Variants in CDKAL1 observed in about 807,000 individuals in gnomAD.
CDKAL1 encodes threonylcarbamoyladenosine tRNA methylthiotransferase.
In CDKAL1, 32 loss-of-function variants were observed where a neutral mutation model predicts 68.2. The observed-to-expected ratio is 0.47, with a 90% CI of 0.35 to 0.63. The LOEUF (loss-of-function observed/expected upper bound fraction) is 0.63, where lower values mean the gene tolerates loss of function less well. Among genes scored for constraint, CDKAL1 ranks in the 30% least tolerant of loss-of-function variants. The pLI, the probability that CDKAL1 is intolerant of heterozygous loss-of-function variation, is 0.00. For missense variants in CDKAL1, 606 were observed against 696.7 expected, an observed-to-expected ratio of 0.87 and a Z score of 1.47; for synonymous variants, 234 against 244.3, an observed-to-expected ratio of 0.96 and a Z score of 0.39.
chr6:20,868,229 C>T (rs928587531), intron 9 of CDKAL1, among the ~76,000 whole-genome samples: 1 of 151,984 alleles, frequency 6.6e-6, no homozygotes, highest in Non-Finnish European at 1.5e-5. Flanking sequence ...TAAATATCAC[C>T]CCCATTCTAA....
chr6:20,730,330 G>A (rs1280210646), intron 5 of CDKAL1, among the ~76,000 whole-genome samples: 2 of 147,152 alleles, frequency 1.4e-5, no homozygotes, highest in African/African-American at 2.5e-5. Context: ...AGAAAAGAAA[G>A]AAAGAAGCCA....
At chr6:20,841,519 C>T (rs1253485224) in intron 8 of CDKAL1, among the ~76,000 whole-genome samples, 1 of 152,218 alleles carries the variant, frequency 6.6e-6, no homozygotes. Flanking sequence ...TATGTGTTTA[C>T]ACCCTTTGAA....
chr6:21,129,061 C>G (rs1775155701), intron 13 of CDKAL1, among the ~76,000 whole-genome samples: 1 of 152,136 alleles, frequency 6.6e-6, no homozygotes, highest in Non-Finnish European at 1.5e-5. Context: ...ACAATAGTAC[C>G]TCCCCAATGG....
At chr6:21,041,436 T>C (rs1251099400) in intron 11 of CDKAL1, among the ~76,000 whole-genome samples, 1 of 152,160 alleles carries the variant, frequency 6.6e-6, no homozygotes, top group Non-Finnish European at 1.5e-5. Context: ...CATCAGCAGA[T>C]GTAAATTTGT....
Position 20,548,597 on chromosome 6 carries a change from A to G in CDKAL1, c.178A>G (p.Ile60Val). Residue 60 changes from isoleucine (I) to valine (V), a missense_variant, in exon 4 of 16, where the codon ATT becomes GTT. Coordinates refer to ENST00000274695, the MANE Select transcript of CDKAL1 (RefSeq NM_017774.3). ...EENSPPSDST[I>V]PGIQKIWIRT... Reference sequence around the variant, plus strand: ...TTTTTATTGATTCCTTAACAGCACTATTCCAGGCATACAGAAAATTTGGAT... The same window carrying G: ...TTTTTATTGATTCCTTAACAGCACTGTTCCAGGCATACAGAAAATTTGGAT... 2 of 1,414,274 alleles carry G rather than the reference A, an allele frequency of 1.4e-6. No individual in the cohort carries two copies. The highest frequency in any genetic ancestry group is 2.3e-5 in the East Asian group (1 of 43,984). The allele number at this position is 1,414,274 out of a possible 1,614,324, so 87.6% of individuals were successfully genotyped here.
At chr6:21,071,563 G>T (rs1194541929) in intron 12 of CDKAL1, among the ~76,000 whole-genome samples, 1 of 152,118 alleles carries the variant, frequency 6.6e-6, no homozygotes, top group Admixed American at 6.5e-5. Context: ...CCAGTATTTG[G>T]ATCTCATATT....
intron 15 of CDKAL1, among the ~76,000 whole-genome samples, chr6:21,224,674 TC>T (rs1360786603): frequency 2.0e-5 from 3 of 152,140 alleles, no homozygotes; most frequent in African/African-American, 7.2e-5. Context: ...GAAGAATGCC[TC>T]CCAGCCAACA....
At chr6:20,714,900 G>GT (rs1204985164) in intron 5 of CDKAL1, among the ~76,000 whole-genome samples, 1 of 152,006 alleles carries the variant, frequency 6.6e-6, no homozygotes, top group African/African-American at 2.4e-5. Flanking sequence ...TTGTTAAACT[G>GT]TTTTTATTTT....
intron 8 of CDKAL1, among the ~76,000 whole-genome samples, chr6:20,809,184 G>A (rs1277498787): frequency 6.6e-6 from 1 of 152,146 alleles, no homozygotes; most frequent in South Asian, 2.1e-4. Context: ...TCTAAGGTCA[G>A]TATTTCCTAA....
intron 10 of CDKAL1, among the ~76,000 whole-genome samples, chr6:20,971,414 G>T (rs1490959829): frequency 6.6e-6 from 1 of 152,170 alleles, no homozygotes; most frequent in Non-Finnish European, 1.5e-5. Context: ...ATTTGCTTTT[G>T]ATGCTGCATT....
chr6:20,627,463 T>C (rs1023744619), intron 4 of CDKAL1, among the ~76,000 whole-genome samples: 2 of 152,266 alleles, frequency 1.3e-5, no homozygotes, highest in South Asian at 2.1e-4. Context: ...AGGTTTCCCT[T>C]GGTCACATCT....
rs181302127 is a variant in CDKAL1, at chr6:21,213,451, T to C, written c.1548+12177T>C. On this transcript the variant is annotated intron_variant, in intron 15 of 15. Transcript: ENST00000274695. Reference sequence around the variant, plus strand: ...ATGCCATGAGACGAGGAATTGGTCATTGGTCTTTTTAAACATACAGTCTTT... The same window carrying C: ...ATGCCATGAGACGAGGAATTGGTCACTGGTCTTTTTAAACATACAGTCTTT... 9.8e-5 allele frequency among the ~76,000 whole-genome samples: 15 copies of C among 152,330 alleles called. No homozygotes were observed. The East Asian group carries it at 2.5e-3, about 25-fold the overall frequency.
chr6:20,961,547 C>CACGA (rs1220982897), intron 10 of CDKAL1, among the ~76,000 whole-genome samples: 1 of 152,098 alleles, frequency 6.6e-6, no homozygotes, highest in East Asian at 1.9e-4. Context: ...GCGGGTGGAT[C>CACGA]ACGAGGTCAG....
At chr6:20,579,653 A>G (rs954490509) in intron 4 of CDKAL1, among the ~76,000 whole-genome samples, 11 of 152,178 alleles carry the variant, frequency 7.2e-5, no homozygotes, top group Admixed American at 2.6e-4. Context: ...AGGTAGTGCA[A>G]GTGGGGCTGG....
intron 13 of CDKAL1, among the ~76,000 whole-genome samples, chr6:21,110,114 G>A (rs1173400847): frequency 1.3e-5 from 2 of 152,172 alleles, no homozygotes; most frequent in East Asian, 3.9e-4. Flanking sequence ...TGATCTTTAA[G>A]ATTGGTAATA....
At chr6:21,132,587 G>A (rs1469310070) in intron 13 of CDKAL1, among the ~76,000 whole-genome samples, 1 of 152,060 alleles carries the variant, frequency 6.6e-6, no homozygotes, top group East Asian at 1.9e-4. Context: ...CACATGCCAA[G>A]TTATGAGGGT....
intron 9 of CDKAL1, among the ~76,000 whole-genome samples, chr6:20,899,296 C>T (rs1022462257): frequency 6.6e-6 from 1 of 151,986 alleles, no homozygotes; most frequent in South Asian, 2.1e-4. Context: ...ATCTCTTGAC[C>T]TCGTGATCCA....
At chr6:20,816,665 G>T (rs1421593735) in intron 8 of CDKAL1, among the ~76,000 whole-genome samples, 2 of 151,796 alleles carry the variant, frequency 1.3e-5, no homozygotes, top group African/African-American at 2.4e-5. Flanking sequence ...ATAAAGAACT[G>T]AATAATTAAT....
At chr6:20,947,263 G>T (rs1355758746) in intron 9 of CDKAL1, among the ~76,000 whole-genome samples, 1 of 152,170 alleles carries the variant, frequency 6.6e-6, no homozygotes, top group African/African-American at 2.4e-5. Context: ...TCACATCCCA[G>T]TAAACCCATT....
Sources: gnomAD v4.1 joint callset for allele counts (sites outside exome capture counted in the v4.1 genomes callset) on GRCh38, gnomAD v4.1.1 for gene constraint, MANE v1.5 for transcripts, NCBI Gene and HGNC (gene_info 2026-07-23, HGNC 2026-07-21) for gene names.